The following CCDC33 variants were observed in gnomAD, a reference collection of about 807,000 sequenced individuals.
CCDC33 encodes the protein coiled-coil domain containing 33.
Under a neutral mutation model 91.9 loss-of-function variants are expected in CCDC33, and 94 were observed. The observed-to-expected ratio is 1.02, with a 90% CI of 0.87 to 1.21. CCDC33 has a LOEUF of 1.21. Ranked by LOEUF, CCDC33 falls within the 50% of genes most tolerant of loss-of-function variation. The probability of loss-of-function intolerance (pLI) is 0.00; values close to 1 mark genes in which losing one functional copy is unlikely to be tolerated. For missense variants in CCDC33, 940 were observed against 935.5 expected, an observed-to-expected ratio of 1.00 and a Z score of -0.06; for synonymous variants, 396 against 374.5, an observed-to-expected ratio of 1.06 and a Z score of -0.66.
chr15:74,251,978 T>C (rs2075724161), intron 2 of CCDC33, among the ~76,000 whole-genome samples: 1 of 152,170 alleles, frequency 6.6e-6, no homozygotes, highest in South Asian at 2.1e-4. Flanking sequence ...AGTCCTATAA[T>C]TGAGGTATAA....
intron 11 of CCDC33, among the ~76,000 whole-genome samples, chr15:74,323,105 C>G (rs1277263710): frequency 3.5e-4 from 53 of 152,096 alleles, no homozygotes; most frequent in Admixed American, 3.5e-3. Flanking sequence ...CACTATGCCT[C>G]TCCTTGACCC....
intron 2 of CCDC33, among the ~76,000 whole-genome samples, chr15:74,247,391 C>T (rs888037870): frequency 8.7e-5 from 12 of 137,266 alleles, no homozygotes; most frequent in African/African-American, 3.1e-4. Flanking sequence ...CACACACACA[C>T]ACACACGTCA....
chr15:74,280,256 G>A (rs1316276122), intron 8 of CCDC33, among the ~76,000 whole-genome samples, 164 bp downstream of exon 8: 1 of 152,200 alleles, frequency 6.6e-6, no homozygotes, highest in Non-Finnish European at 1.5e-5. Context: ...TGCGTTCCTT[G>A]TCCACAGGCC....
At chr15:74,265,816 A>G (rs4887124) in intron 3 of CCDC33, among the ~76,000 whole-genome samples, 50,610 of 152,106 alleles carry the variant, frequency 0.33, 10,067 homozygotes, top group African/African-American at 0.53. Context: ...TTGAAGTCAG[A>G]AGTTTGAGGC....
At chr15:74,263,816 G>A (rs114066793) in intron 3 of CCDC33, among the ~76,000 whole-genome samples, 2 of 152,218 alleles carry the variant, frequency 1.3e-5, no homozygotes, top group South Asian at 2.1e-4. Context: ...CTGCAACAGT[G>A]TGGTTATATG....
chr15:74,288,190 CTG>C (rs1259035045), intron 10 of CCDC33, among the ~76,000 whole-genome samples: 3 of 152,176 alleles, frequency 2.0e-5, no homozygotes, highest in Non-Finnish European at 4.4e-5. Flanking sequence ...AAACTTCCTT[CTG>C]TCTCTCTTCA....
chr15:74,208,750 C>T, intron 1 of CCDC33: 4 of 988,674 alleles, frequency 4.0e-6, no homozygotes, highest in Non-Finnish European at 4.8e-6. Flanking sequence ...CTCGCTGTTC[C>T]CCGACCTGTT....
At chr15:74,307,181 G>A (rs1240416781) in intron 11 of CCDC33, among the ~76,000 whole-genome samples, 1 of 152,214 alleles carries the variant, frequency 6.6e-6, no homozygotes, top group Non-Finnish European at 1.5e-5. Flanking sequence ...TCATCGATTG[G>A]TGAGGGTGAG....
chr15:74,279,200 G>A (rs1257654151), intron 7 of CCDC33, among the ~76,000 whole-genome samples: 2 of 152,206 alleles, frequency 1.3e-5, no homozygotes, highest in East Asian at 3.8e-4. Context: ...AGCAGAGAAC[G>A]TTCAATGCAG....
chr15:74,328,655 A>G (rs1156330122), intron 11 of CCDC33, among the ~76,000 whole-genome samples: 1 of 152,210 alleles, frequency 6.6e-6, no homozygotes, highest in Non-Finnish European at 1.5e-5. Flanking sequence ...AGGGAGCCCA[A>G]CCAGAAGGCT....
At chr15:74,296,575 A>G (rs2059692009) in intron 11 of CCDC33, among the ~76,000 whole-genome samples, 1 of 152,158 alleles carries the variant, frequency 6.6e-6, no homozygotes, top group Non-Finnish European at 1.5e-5. Context: ...GCGGTGAGCC[A>G]AGATTGTGCC....
intron 10 of CCDC33, among the ~76,000 whole-genome samples, chr15:74,282,153 T>C (rs949559143): frequency 2.0e-5 from 3 of 152,202 alleles, no homozygotes; most frequent in African/African-American, 4.8e-5. Flanking sequence ...AGTTTTCTAT[T>C]GCTTTATAAC....
At chr15:74,306,844 C>A (rs749379176) in intron 11 of CCDC33, among the ~76,000 whole-genome samples, 1 of 152,116 alleles carries the variant, frequency 6.6e-6, no homozygotes, top group South Asian at 2.1e-4. Context: ...AATTTACTGC[C>A]GAGAGAGGGT....
rs8040594 is a variant in CCDC33 at position 74,270,373 on chromosome 15, G to A, written c.547-1330G>A. 4.5e-3 allele frequency among the ~76,000 whole-genome samples: 689 copies of A among 152,338 alleles called. 7 individuals are homozygous for A. The highest frequency in any genetic ancestry group is 0.016 in the African/African-American group (665 of 41,552). ...CAAAGACCCTGTGGCAGAAATAAGA[G>A]GGGTAAGTGGCAGGAGTAAAAGAGT... On this transcript the variant is annotated intron_variant, in intron 5 of 18. Transcript: ENST00000398814.
intron 7 of CCDC33, among the ~76,000 whole-genome samples, chr15:74,278,062 A>G (rs1167574064): frequency 6.6e-6 from 1 of 152,216 alleles, no homozygotes. Flanking sequence ...CAGAAGTCAG[A>G]ACCAACTTCT....
intron 11 of CCDC33, among the ~76,000 whole-genome samples, chr15:74,305,464 G>C (rs1169474244): frequency 6.6e-6 from 1 of 152,192 alleles, no homozygotes; most frequent in Non-Finnish European, 1.5e-5. Context: ...CCTAACTGGG[G>C]AGAAGTCTGC....
chr15:74,274,007 T>C (rs1210924354), intron 7 of CCDC33, among the ~76,000 whole-genome samples: 1 of 150,392 alleles, frequency 6.6e-6, no homozygotes, highest in African/African-American at 2.5e-5. Flanking sequence ...AATTTTTGTA[T>C]TTTCAGTAGA....
At chr15:74,214,531 G>T (rs561916227), upstream of CCDC33, among the ~76,000 whole-genome samples, 33 of 152,318 alleles carry the variant, frequency 2.2e-4, no homozygotes, top group African/African-American at 7.7e-4. Flanking sequence ...GAGGGATCTG[G>T]TGCTGCCCTG....
At chr15:74,273,986 C>G (rs57654931) in intron 7 of CCDC33, among the ~76,000 whole-genome samples, 3,004 of 152,166 alleles carry the variant, frequency 0.02, 102 homozygotes, top group African/African-American at 0.068. Flanking sequence ...CACCCGCCAC[C>G]ATGCCCGGCT....
Sources: gnomAD v4.1 joint callset for allele counts (sites outside exome capture counted in the v4.1 genomes callset) on GRCh38, gnomAD v4.1.1 for gene constraint, MANE v1.5 for transcripts, NCBI Gene and HGNC (gene_info 2026-07-23, HGNC 2026-07-21) for gene names.